VPS13A: variants seen among roughly 807,000 people sequenced by gnomAD.
The protein encoded by VPS13A is intermembrane lipid transfer protein VPS13A.
VPS13A carries 264 observed loss-of-function variants against 390.9 expected under a neutral mutation model. That is an observed-to-expected ratio of 0.68 (90% CI 0.61 to 0.75). The LOEUF is 0.75. Ranked by LOEUF, VPS13A falls within the 30% of genes least tolerant of loss-of-function variation. The probability of loss-of-function intolerance (pLI) is 0.00; values close to 1 mark genes in which losing one functional copy is unlikely to be tolerated. For missense variants in VPS13A, 3,409 were observed against 3,733.9 expected (o/e 0.91, Z 2.27); for synonymous variants, 1,231 against 1,227.1 (o/e 1.00, Z -0.07).
intron 69 of VPS13A, among the ~76,000 whole-genome samples, chr9:77,404,402 C>T (rs1293061792): frequency 6.6e-6 from 1 of 152,104 alleles, no homozygotes; most frequent in African/African-American, 2.4e-5. Flanking sequence ...TTTGTAAATT[C>T]CTGCCTAATA....
At chr9:77,300,305 T>C (rs1828269337) in intron 33 of VPS13A, among the ~76,000 whole-genome samples, 4 of 152,332 alleles carry the variant, frequency 2.6e-5, no homozygotes, top group Admixed American at 2.6e-4. Flanking sequence ...CTTTATTACA[T>C]CAGTACTTTT....
intron 33 of VPS13A, among the ~76,000 whole-genome samples, chr9:77,300,027 C>G (rs1018603709): frequency 2.0e-5 from 3 of 151,984 alleles, no homozygotes; most frequent in Non-Finnish European, 4.4e-5. Flanking sequence ...AACCACCATG[C>G]CACATGTGTA....
chr9:77,227,298 T>C (rs1197740183), intron 15 of VPS13A, 93 bp from the exon 16 acceptor site: 3 of 952,468 alleles, frequency 3.1e-6, no homozygotes, highest in African/African-American at 3.3e-5. Flanking sequence ...TTCAAGAAAG[T>C]AAATTTCACA....
intron 23 of VPS13A, among the ~76,000 whole-genome samples, chr9:77,271,310 A>G (rs975634897): frequency 6.6e-6 from 1 of 152,226 alleles, no homozygotes. Flanking sequence ...ATACCATGTC[A>G]AGGTGTTGCC....
In VPS13A at chr9:77,419,933, T is replaced by C. The variant is rs957523275; in HGVS notation, c.*3927T>C. The C allele has an allele frequency of 2.6e-5, 4 of 152,190 alleles. No homozygotes were observed. Among genetic ancestry groups the C allele is most frequent in the Non-Finnish European group, 4.4e-5 (3 of 68,032 alleles). The allele number at this position is 152,190 out of a possible 1,614,324, so 9.4% of individuals were successfully genotyped here. On this transcript the variant is annotated 3_prime_UTR_variant, in exon 72 of 72. Coordinates refer to ENST00000360280, the MANE Select transcript of VPS13A (RefSeq NM_033305.3). ...CTGGGGGGTGCTATGCAAATATCAA[T>C]GACTTTTTACTAAAAACAGTGGATT...
chr9:77,373,628 T>G (rs1298048258), intron 67 of VPS13A, among the ~76,000 whole-genome samples: 1 of 150,396 alleles, frequency 6.6e-6, no homozygotes, highest in African/African-American at 2.4e-5. Flanking sequence ...AAGCCAAAAT[T>G]GACAAATGGG....
At chr9:77,414,692 A>G (rs1835093388) in intron 71 of VPS13A, among the ~76,000 whole-genome samples, 1 of 151,734 alleles carries the variant, frequency 6.6e-6, no homozygotes, top group Non-Finnish European at 1.5e-5. Flanking sequence ...ATACATATGT[A>G]ACTAACCTGC....
intron 68 of VPS13A, chr9:77,390,090 G>T: frequency 1.0e-6 from 1 of 985,412 alleles, no homozygotes; most frequent in Non-Finnish European, 1.2e-6. Flanking sequence ...TACTATAGCA[G>T]TCAGATCACC....
At chr9:77,229,853 C>T (rs1823724949) in intron 17 of VPS13A, among the ~76,000 whole-genome samples, 2 of 152,258 alleles carry the variant, frequency 1.3e-5, no homozygotes, top group Non-Finnish European at 1.5e-5. Context: ...GACTGTTTCC[C>T]AAAGCAGCCT....
At chr9:77,370,082 C>T (rs1412823983) in intron 63 of VPS13A, among the ~76,000 whole-genome samples, 175 bp from the exon 64 acceptor site, 1 of 152,174 alleles carries the variant, frequency 6.6e-6, no homozygotes, top group Non-Finnish European at 1.5e-5. Flanking sequence ...ACACTTTCAG[C>T]GTCCAGAAAT....
intron 71 of VPS13A, among the ~76,000 whole-genome samples, chr9:77,415,001 C>G (rs1432964726): frequency 1.3e-5 from 2 of 152,158 alleles, no homozygotes; most frequent in Non-Finnish European, 2.9e-5. Context: ...TCTATCTAGA[C>G]ATTCTGATAT....
chr9:77,246,149 A>G lies in VPS13A; in HGVS notation c.1901-1110A>G, dbSNP rs557327984. ...GTGTCAGCATGAGTTTTGGAGGGCT[A>G]AAATCCCAAACTGTAGCACAGGCTT... On this transcript the variant is annotated intron_variant, in intron 19 of 71. Transcript: ENST00000360280. 3.3e-5 allele frequency among the ~76,000 whole-genome samples: 5 copies of G among 152,336 alleles called. No individual in the cohort carries two copies. The South Asian group carries it at 8.3e-4, about 25-fold the overall frequency.
chr9:77,281,465 AAC>A (rs1351977174), intron 27 of VPS13A, among the ~76,000 whole-genome samples: 7 of 152,148 alleles, frequency 4.6e-5, no homozygotes, highest in African/African-American at 1.2e-4. Flanking sequence ...AGAAAAAGAA[AAC>A]ACAGAGTATT....
At chr9:77,221,384 T>G (rs1260406967) in intron 13 of VPS13A, 28 bp downstream of exon 13, 2 of 1,609,948 alleles carry the variant, frequency 1.2e-6, no homozygotes, top group South Asian at 2.2e-5. Context: ...AATTGTTGAG[T>G]GTTTTATACT....
chr9:77,210,696 T>C (rs146334644), intron 7 of VPS13A, 21 bp downstream of exon 7: 125 of 1,609,722 alleles, frequency 7.8e-5, no homozygotes, highest in Non-Finnish European at 9.8e-5. Flanking sequence ...TATAAAAGAA[T>C]CTTAACCATA....
chr9:77,407,020 CTT>C (rs758532985), intron 70 of VPS13A, among the ~76,000 whole-genome samples: 1 of 152,126 alleles, frequency 6.6e-6, no homozygotes. Flanking sequence ...CCTGATCTCT[CTT>C]TGATTCTAAA....
In VPS13A at chr9:77,339,877, C is replaced by A; in HGVS notation, c.6740C>A (p.Ser2247Tyr). The change falls in exon 48 of 72, where the codon TCT becomes TAT. Residue 2247 changes from serine (S) to tyrosine (Y), a missense_variant. Coordinates refer to ENST00000360280, the MANE Select transcript of VPS13A (RefSeq NM_033305.3). ...PPNYKKPVLFSFQPNHFFNNN... is the reference protein window; with the variant it reads ...PPNYKKPVLFYFQPNHFFNNN... ...AATTATAAAAAGCCAGTTCTCTTTT[C>A]TTTTCAGCCAAATCACTTTTTTAAT... is the stretch of plus-strand genomic sequence containing the variant. 4 of 1,612,814 alleles carry A rather than the reference C, an allele frequency of 2.5e-6. No homozygotes were observed. The highest frequency in any genetic ancestry group is 3.4e-6 in the Non-Finnish European group (4 of 1,179,898).
chr9:77,247,270 A>G lies in VPS13A; in HGVS notation c.1912A>G (p.Ile638Val), dbSNP rs755799241. The G allele has an allele frequency of 6.3e-7, 1 of 1,595,882 alleles. No homozygotes were observed. Among genetic ancestry groups the G allele is most frequent in the Non-Finnish European group, 8.6e-7 (1 of 1,168,238 alleles). The change falls in exon 20 of 72, where the codon ATT becomes GTT. Residue 638 changes from isoleucine (I) to valine (V), a missense_variant. Ile to Val is a conservative substitution (Grantham distance 29, BLOSUM62 3). Transcript: ENST00000360280. ...RSKTATGLLY[I>V]IETQKVLDLK... ...TTACATTTTTCCAGGTCTACTGTAT[A>G]TTATTGAAACACAGAAAGTTCTTGA...
intron 45 of VPS13A, among the ~76,000 whole-genome samples, chr9:77,327,163 G>A (rs1022052971): frequency 7.9e-5 from 12 of 152,170 alleles, no homozygotes. Context: ...CCCCGTATCG[G>A]AAACTGTGGT....
Sources: allele counts gnomAD v4.1 joint callset (sites outside exome capture counted in the v4.1 genomes callset), GRCh38; gene constraint gnomAD v4.1.1; transcripts MANE v1.5; gene names NCBI Gene and HGNC (gene_info 2026-07-23, HGNC 2026-07-21).